ACSM4: variants seen among roughly 807,000 people sequenced by gnomAD.
The protein encoded by ACSM4 is acyl-CoA synthetase medium chain family member 4, also known as acyl-coenzyme A synthetase ACSM4, mitochondrial.
Under a neutral mutation model 73.0 loss-of-function variants are expected in ACSM4, and 66 were observed. The observed-to-expected ratio is 0.90, with a 90% CI of 0.74 to 1.11. ACSM4 has a LOEUF of 1.11. Ranked by LOEUF, ACSM4 falls within the 50% of genes least tolerant of loss-of-function variation. ACSM4 has a pLI of 0.00. For missense variants in ACSM4, 645 were observed against 714.4 expected (o/e 0.90, Z 1.11); for synonymous variants, 222 against 254.0 (o/e 0.87, Z 1.20).
At chr12:7,310,269 A>G (rs1050112912) in intron 2 of ACSM4, among the ~76,000 whole-genome samples, 1 of 152,230 alleles carries the variant, frequency 6.6e-6, no homozygotes, top group African/African-American at 2.4e-5. Flanking sequence ...TTTTACAGAT[A>G]AGGAAAGAAA....
At chr12:7,306,403 AG>A (rs913458209) in intron 1 of ACSM4, 129 bp from the exon 2 acceptor site, 4 of 833,834 alleles carry the variant, frequency 4.8e-6, no homozygotes, top group Non-Finnish European at 5.7e-6. Context: ...GTTCCCTCAA[AG>A]ACGAACTCAG....
intron 2 of ACSM4, among the ~76,000 whole-genome samples, chr12:7,307,412 A>C (rs1305785866): frequency 6.6e-6 from 1 of 152,208 alleles, no homozygotes; most frequent in Non-Finnish European, 1.5e-5. Flanking sequence ...ATTATCTAGG[A>C]CATGTTCATC....
intron 9 of ACSM4, 26 bp downstream of exon 9, chr12:7,323,586 T>C: frequency 2.5e-6 from 4 of 1,586,628 alleles, no homozygotes; most frequent in Non-Finnish European, 3.5e-6. Flanking sequence ...GTGCTGGTCA[T>C]GCTTAATACA....
intron 1 of ACSM4, among the ~76,000 whole-genome samples, chr12:7,305,382 G>A (rs1033129257): frequency 1.3e-5 from 2 of 152,170 alleles, no homozygotes; most frequent in African/African-American, 4.8e-5. Flanking sequence ...CACGTAAAAA[G>A]TAAAAAGTGA....
At chr12:7,321,443 A>C (rs1349567988) in intron 6 of ACSM4, among the ~76,000 whole-genome samples, 1 of 152,208 alleles carries the variant, frequency 6.6e-6, no homozygotes, top group African/African-American at 2.4e-5. Flanking sequence ...CTCTTTTGCC[A>C]CCAAAGTGTG....
At chr12:7,312,946 G>A (rs1565752766) in intron 3 of ACSM4, among the ~76,000 whole-genome samples, 2 of 152,090 alleles carry the variant, frequency 1.3e-5, no homozygotes, top group South Asian at 2.1e-4. Flanking sequence ...GCATTTATTT[G>A]TAAATTATAT....
rs140710997 is a variant in ACSM4, at chr12:7,327,987, G to A, written c.1657-300G>A. On this transcript the variant is annotated intron_variant, in intron 12 of 12. Transcript: ENST00000399422. Reference sequence around the variant, plus strand: ...TATTTAGCTGTAATCTCCATTTCTCGGGAACAGTAGAAGCCTAGGACTAGT... The same window carrying A: ...TATTTAGCTGTAATCTCCATTTCTCAGGAACAGTAGAAGCCTAGGACTAGT... 4.8e-3 allele frequency among the ~76,000 whole-genome samples: 724 copies of A among 152,178 alleles called. 3 individuals carry two copies. Among genetic ancestry groups the A allele is most frequent in the African/African-American group, 0.016 (662 of 41,518 alleles).
chr12:7,305,295 C>T (rs1162507920), intron 1 of ACSM4, among the ~76,000 whole-genome samples: 1 of 152,132 alleles, frequency 6.6e-6, no homozygotes, highest in Admixed American at 6.5e-5. Flanking sequence ...TTTCAATAAC[C>T]TATTTTTTGG....
intron 3 of ACSM4, among the ~76,000 whole-genome samples, chr12:7,311,485 T>C (rs1946389940): frequency 6.6e-6 from 1 of 152,154 alleles, no homozygotes; most frequent in African/African-American, 2.4e-5. Flanking sequence ...TCCTAAGAAG[T>C]TTTCCTTGAC....
intron 3 of ACSM4, among the ~76,000 whole-genome samples, chr12:7,313,368 G>A (rs886120949): frequency 5.3e-5 from 8 of 152,128 alleles, no homozygotes; most frequent in African/African-American, 1.7e-4. Flanking sequence ...AAAGGCCATG[G>A]ACTGTTTCTC....
At chr12:7,311,008 A>G (rs1194016200) in intron 3 of ACSM4, among the ~76,000 whole-genome samples, 1 of 152,040 alleles carries the variant, frequency 6.6e-6, no homozygotes, top group Non-Finnish European at 1.5e-5. Context: ...TCTACTAAAA[A>G]TACAAAAATT....
At position 7,304,478 on chromosome 12, in the gene ACSM4, T is replaced by G. The variant is rs978864176; in HGVS notation, c.147T>G (p.Pro49=). The change falls in exon 1 of 13, where the codon CCT becomes CCG. Residue 49 remains proline (P), a synonymous_variant. Coordinates refer to ENST00000399422, the MANE Select transcript of ACSM4 (RefSeq NM_001080454.2). ...TAAATCGCTGTAACAGGCCATTGCC[T>G]AAAAACTTTAACTTTGCTGCAGATG... ...EAINRCNRPL[P]KNFNFAADVL... The G allele has an allele frequency of 5.6e-6, 9 of 1,613,856 alleles. No individual in the cohort carries two copies. In the African/African-American group the frequency reaches 1.1e-4, roughly 19 times the overall value.
intron 4 of ACSM4, among the ~76,000 whole-genome samples, chr12:7,317,756 A>G (rs942467555): frequency 2.0e-5 from 3 of 152,178 alleles, no homozygotes; most frequent in African/African-American, 7.2e-5. Flanking sequence ...CGCCTAGCAC[A>G]TTTCGGCTTA....
At position 7,317,190 on chromosome 12, in the gene ACSM4, C is replaced by A; in HGVS notation, c.674C>A (p.Thr225Asn). Residue 225 changes from threonine (T) to asparagine (N), a missense_variant, in exon 4 of 13, where the codon ACC becomes AAC. Thr to Asn is a moderately conservative substitution (Grantham distance 65, BLOSUM62 0). Coordinates refer to ENST00000399422, the MANE Select transcript of ACSM4 (RefSeq NM_001080454.2). ...GAAACAGGAAGTCAAGAACCAATGA[C>A]CATTTATTTCACCAGTGGGACCACA... ...CVETGSQEPM[T>N]IYFTSGTTGF... 3 of 1,612,740 alleles carry A rather than the reference C, an allele frequency of 1.9e-6. No individual in the cohort carries two copies. Among genetic ancestry groups the A allele is most frequent in the Non-Finnish European group, 2.5e-6 (3 of 1,179,494 alleles).
In ACSM4 at chr12:7,328,489, T is replaced by C. The variant is rs11051240; in HGVS notation, c.*116T>C. 59,192 of 813,368 alleles carry C rather than the reference T, an allele frequency of 0.073. 2,599 individuals carry two copies. Among genetic ancestry groups the C allele is most frequent in the East Asian group, 0.16 (4,323 of 26,408 alleles). The allele number at this position is 813,368 out of a possible 1,614,324, so 50.4% of individuals were successfully genotyped here. On this transcript the variant is annotated 3_prime_UTR_variant, in exon 13 of 13. Transcript: ENST00000399422. The stretch of plus-strand genomic sequence containing the variant: ...TTTAAGATCTTTCCTGCTTGAAAAC[T>C]CAACTGTTGATTTTTTGGTTTTTAC...
Position 7,323,308 on chromosome 12 carries a change from T to C in ACSM4, c.1200T>C (p.Asp400=), listed in dbSNP as rs1345806013. 6.2e-7 allele frequency: 1 copy of C among 1,610,528 alleles called. No individual in the cohort carries two copies. Among genetic ancestry groups the C allele is most frequent in the Non-Finnish European group, 8.5e-7 (1 of 1,178,448 alleles). The change falls in exon 8 of 13, where the codon GAT becomes GAC. Residue 400 remains aspartate, a synonymous_variant. Coordinates refer to ENST00000399422, the MANE Select transcript of ACSM4 (RefSeq NM_001080454.2). ...TGGGGAAAGGAATGCTGCCCTATGATGTCCAGGTAGGTTGAGAAAATATCT... is the reference window on the plus strand; with the variant it reads ...TGGGGAAAGGAATGCTGCCCTATGACGTCCAGGTAGGTTGAGAAAATATCT... The part of the protein sequence containing the change: ...GSMGKGMLPY[D]VQIIDENGNV...
chr12:7,325,308 C>T (rs1225552196), intron 11 of ACSM4, among the ~76,000 whole-genome samples: 2 of 152,204 alleles, frequency 1.3e-5, no homozygotes, highest in African/African-American at 4.8e-5. Context: ...GAATGGAAAA[C>T]TGTCATGGAA....
rs141581420 is a variant in ACSM4, at chr12:7,316,865, T to C, written c.621-272T>C. On this transcript the variant is annotated intron_variant, in intron 3 of 12. Transcript: ENST00000399422. ...CAATACATAAAATGCATGTCTTTTG[T>C]TATTAATATTGAAAGTTATCTTGGC... Among the ~76,000 whole-genome samples, 333 of 152,296 alleles carry C rather than the reference T, an allele frequency of 2.2e-3. 2 individuals carry two copies. The highest frequency in any genetic ancestry group is 7.5e-3 in the African/African-American group (310 of 41,560).
chr12:7,304,651 T>A, intron 1 of ACSM4, 119 bp downstream of exon 1: 1 of 1,107,982 alleles, frequency 9.0e-7, no homozygotes, highest in Non-Finnish European at 1.3e-6. Flanking sequence ...CTTGGTTTCC[T>A]TTGTTTGTTT....
Sources: gnomAD v4.1 joint callset for allele counts (sites outside exome capture counted in the v4.1 genomes callset) on GRCh38, gnomAD v4.1.1 for gene constraint, MANE v1.5 for transcripts, NCBI Gene and HGNC (gene_info 2026-07-23, HGNC 2026-07-21) for gene names.